CDCA4: variants seen among roughly 807,000 people sequenced by gnomAD.
CDCA4 encodes the protein cell division cycle associated 4.
For synonymous variants in CDCA4, 130 were observed against 137.0 expected (o/e 0.95, Z 0.36); for missense variants, 294 against 322.1 (o/e 0.91, Z 0.67).
chr14:105,015,728 A>G (rs11628851), intron 1 of CDCA4, among the ~76,000 whole-genome samples: 119,670 of 151,974 alleles, frequency 0.79, 47,318 homozygotes, highest in Middle Eastern at 0.88. Flanking sequence ...GCAGTGGCGC[A>G]ATCTCAGCTC....
chr14:105,019,952 A>C (rs1056249350), intron 1 of CDCA4, among the ~76,000 whole-genome samples: 2 of 152,156 alleles, frequency 1.3e-5, no homozygotes, highest in African/African-American at 4.8e-5. Flanking sequence ...ACCTCAGGAG[A>C]TCCACCCGCC....
At chr14:105,017,184 T>C (rs555695628) in intron 1 of CDCA4, among the ~76,000 whole-genome samples, 5 of 151,250 alleles carry the variant, frequency 3.3e-5, no homozygotes, top group African/African-American at 1.2e-4. Flanking sequence ...TGGGGGGCGG[T>C]CCTTGGCCTA....
At chr14:105,016,816 C>T (rs1415651060) in intron 1 of CDCA4, among the ~76,000 whole-genome samples, 1 of 152,222 alleles carries the variant, frequency 6.6e-6, no homozygotes, top group African/African-American at 2.4e-5. Context: ...TCTTGAGATC[C>T]TTGCAAACTC....
chr14:105,011,964 G>A (rs1198243047), intron 1 of CDCA4, 29 bp from the exon 2 acceptor site: 52 of 1,569,514 alleles, frequency 3.3e-5, no homozygotes, highest in Non-Finnish European at 4.2e-5. Flanking sequence ...ACACCACTTA[G>A]CACACGGCAG....
chr14:105,014,770 G>A (rs886258277), intron 1 of CDCA4, among the ~76,000 whole-genome samples: 2 of 152,096 alleles, frequency 1.3e-5, no homozygotes, highest in Admixed American at 1.3e-4. Context: ...TAAGTCCCAC[G>A]GGTTCCTCTG....
intron 1 of CDCA4, among the ~76,000 whole-genome samples, chr14:105,017,252 G>A (rs557859998): frequency 6.6e-5 from 10 of 151,672 alleles, no homozygotes; most frequent in African/African-American, 2.2e-4. Flanking sequence ...TCTCACTGTC[G>A]CCCAGGCTGG....
At chr14:105,017,487 G>A (rs1287619028) in intron 1 of CDCA4, among the ~76,000 whole-genome samples, 1 of 151,506 alleles carries the variant, frequency 6.6e-6, no homozygotes, top group East Asian at 2.0e-4. Context: ...GCCTCCCAAA[G>A]TGCTAGGATT....
intron 1 of CDCA4, among the ~76,000 whole-genome samples, chr14:105,013,720 C>G (rs967910364): frequency 5.3e-5 from 8 of 152,182 alleles, no homozygotes; most frequent in African/African-American, 1.9e-4. Context: ...CTTGAATTAA[C>G]AGAAGAAAGG....
Position 105,011,747 on chromosome 14 carries a change from G to A in CDCA4, c.183C>T (p.Leu61=). 6.2e-7 allele frequency: 1 copy of A among 1,613,768 alleles called. No homozygotes were observed. Among genetic ancestry groups the A allele is most frequent in the Non-Finnish European group, 8.5e-7 (1 of 1,180,046 alleles). Residue 61 remains leucine, a synonymous_variant, in exon 2 of 2, where the codon CTC becomes CTT. Coordinates refer to ENST00000336219, the MANE Select transcript of CDCA4 (RefSeq NM_017955.4). ...GGATCTGCCGGACCGTGTTGGCAAT[G>A]AGGACTGAGCGGCACAGGTTGGGCT... ...LVEPNLCRSV[L]IANTVRQIQE... is the part of the protein sequence containing the mutation.
intron 1 of CDCA4, among the ~76,000 whole-genome samples, chr14:105,012,222 A>C (rs1331103332): frequency 6.6e-6 from 1 of 152,232 alleles, no homozygotes; most frequent in Non-Finnish European, 1.5e-5. Context: ...AAAAAAGATA[A>C]ATGAACTAAA....
At chr14:105,014,241 G>A (rs567111243) in intron 1 of CDCA4, among the ~76,000 whole-genome samples, 7 of 152,274 alleles carry the variant, frequency 4.6e-5, no homozygotes, top group Non-Finnish European at 8.8e-5. Flanking sequence ...CGCCGGACAC[G>A]CACACATGCG....
chr14:105,020,206 A>C (rs1886189684), intron 1 of CDCA4, among the ~76,000 whole-genome samples: 1 of 152,222 alleles, frequency 6.6e-6, no homozygotes, highest in Non-Finnish European at 1.5e-5. Flanking sequence ...ACACTTGAAA[A>C]TAGAGTGGTT....
chr14:105,012,112 C>T (rs1900523514), intron 1 of CDCA4, among the ~76,000 whole-genome samples, 177 bp from the exon 2 acceptor site: 1 of 152,196 alleles, frequency 6.6e-6, no homozygotes, highest in Non-Finnish European at 1.5e-5. Context: ...CAGTGGGAGA[C>T]CCCCACCCCC....
intron 1 of CDCA4, among the ~76,000 whole-genome samples, chr14:105,017,174 T>TG (rs1270735549): frequency 6.7e-6 from 1 of 149,858 alleles, no homozygotes; most frequent in African/African-American, 2.5e-5. Flanking sequence ...CCTGGGGAGG[T>TG]GGGGGGCGGT....
intron 1 of CDCA4, among the ~76,000 whole-genome samples, chr14:105,015,866 T>C (rs1341170510): frequency 6.6e-6 from 1 of 151,886 alleles, no homozygotes; most frequent in Admixed American, 6.6e-5. Flanking sequence ...ACCATGTTGG[T>C]CAGGCTGGTC....
At chr14:105,016,297 C>T (rs1900653664) in intron 1 of CDCA4, among the ~76,000 whole-genome samples, 1 of 152,214 alleles carries the variant, frequency 6.6e-6, no homozygotes, top group African/African-American at 2.4e-5. Context: ...TTTCTCCCAG[C>T]ACTTTCCTCT....
intron 1 of CDCA4, among the ~76,000 whole-genome samples, chr14:105,020,595 G>A (rs1018269492): frequency 3.9e-5 from 6 of 152,316 alleles, no homozygotes; most frequent in African/African-American, 1.2e-4. Flanking sequence ...CCGACAGAGG[G>A]GGCTGCGGCG....
intron 1 of CDCA4, among the ~76,000 whole-genome samples, chr14:105,016,515 C>T (rs955068301): frequency 6.6e-6 from 1 of 152,232 alleles, no homozygotes; most frequent in Non-Finnish European, 1.5e-5. Context: ...GCTCCACCAA[C>T]TTTCTCCCGC....
At chr14:105,016,744 CATAAAT>C (rs1457368012) in intron 1 of CDCA4, among the ~76,000 whole-genome samples, 1 of 152,212 alleles carries the variant, frequency 6.6e-6, no homozygotes, top group Non-Finnish European at 1.5e-5. Context: ...AACAATGTGG[CATAAAT>C]GGGATCCCAC....
Sources: allele counts gnomAD v4.1 joint callset (sites outside exome capture counted in the v4.1 genomes callset), GRCh38; gene constraint gnomAD v4.1.1; transcripts MANE v1.5; gene names NCBI Gene and HGNC (gene_info 2026-07-23, HGNC 2026-07-21).